The following ADAM12 variants were observed in gnomAD, a reference collection of about 807,000 sequenced individuals.
The protein encoded by ADAM12 is ADAM metallopeptidase domain 12.
Under a neutral mutation model 106.4 loss-of-function variants are expected in ADAM12, and 70 were observed. The ratio of observed to expected loss-of-function variants is 0.66; its 90% CI spans 0.54 to 0.80. The LOEUF is 0.80. Ranked by LOEUF, ADAM12 falls within the 30% of genes least tolerant of loss-of-function variation. ADAM12 has a pLI of 0.00. For missense variants in ADAM12, 1,010 were observed against 1,171.9 expected (o/e 0.86, Z 2.02); for synonymous variants, 420 against 433.5 (o/e 0.97, Z 0.39).
chr10:126,197,890 G>A lies in ADAM12; in HGVS notation c.261-42585C>T, dbSNP rs368986346. ...CAGGCCTGAAAGCCCCAGACAGCGG[G>A]TGGTACGTGGAAGGCCTAAGTCTCC... On this transcript the variant is annotated intron_variant, in intron 3 of 22. Transcript: ENST00000448723. 7.2e-5 allele frequency among the ~76,000 whole-genome samples: 11 copies of A among 152,298 alleles called. No individual in the cohort carries two copies. In the East Asian group the frequency reaches 1.9e-3, roughly 27 times the overall value.
At chr10:126,364,401 G>A (rs889329497) in intron 1 of ADAM12, among the ~76,000 whole-genome samples, 1 of 152,084 alleles carries the variant, frequency 6.6e-6, no homozygotes, top group African/African-American at 2.4e-5. Context: ...GATATGATTA[G>A]TTACCTAGGA....
At position 126,038,193 on chromosome 10, in the gene ADAM12, T is replaced by G. The variant is rs776480781; in HGVS notation, c.2349+48A>C. 7 of 1,495,358 alleles carry G rather than the reference T, an allele frequency of 4.7e-6. No individual in the cohort carries two copies. In the South Asian group the frequency reaches 8.4e-5, roughly 18 times the overall value. The allele number at this position is 1,495,358 out of a possible 1,614,324, so 92.6% of individuals were successfully genotyped here. ...CTTATTCAGTCTCGTATTGAAAACC[T>G]CATGTCTGCATGTGTGCCCTGAGCA... On this transcript the variant is annotated intron_variant, in intron 20 of 22. Coordinates refer to ENST00000448723, the MANE Select transcript of ADAM12 (RefSeq NM_001288973.2).
At chr10:126,350,734 G>A (rs1855321437) in intron 1 of ADAM12, among the ~76,000 whole-genome samples, 1 of 152,232 alleles carries the variant, frequency 6.6e-6, no homozygotes, top group African/African-American at 2.4e-5. Context: ...GCTGCAGGAA[G>A]TTTGATTCAT....
intron 3 of ADAM12, among the ~76,000 whole-genome samples, chr10:126,174,487 G>A (rs1263254272): frequency 6.6e-6 from 1 of 152,052 alleles, no homozygotes; most frequent in African/African-American, 2.4e-5. Flanking sequence ...TTGCATTAGG[G>A]TGTCGTGTCC....
chr10:126,370,456 C>T (rs1856069699), intron 1 of ADAM12, among the ~76,000 whole-genome samples: 1 of 152,172 alleles, frequency 6.6e-6, no homozygotes, highest in African/African-American at 2.4e-5. Context: ...TAAGTTTCTC[C>T]TTCAGGAAGA....
chr10:126,265,977 A>G (rs1417439237), intron 3 of ADAM12, among the ~76,000 whole-genome samples: 1 of 152,220 alleles, frequency 6.6e-6, no homozygotes, highest in Non-Finnish European at 1.5e-5. Context: ...TAGGTGTGAT[A>G]AAAATAATTC....
intron 2 of ADAM12, among the ~76,000 whole-genome samples, chr10:126,321,190 TA>T (rs1400303894): frequency 1.3e-5 from 2 of 152,208 alleles, no homozygotes; most frequent in Non-Finnish European, 2.9e-5. Flanking sequence ...CAGTCAAACA[TA>T]AAAAGCATTA....
chr10:126,017,918 G>T (rs566855047), intron 22 of ADAM12, among the ~76,000 whole-genome samples: 2 of 152,252 alleles, frequency 1.3e-5, no homozygotes, highest in African/African-American at 4.8e-5. Context: ...AAGAAAAAGG[G>T]CTTCCCCTCA....
intron 11 of ADAM12, 36 bp from the exon 12 acceptor site, chr10:126,071,690 G>A (rs1018030944): frequency 1.2e-6 from 2 of 1,605,888 alleles, no homozygotes; most frequent in African/African-American, 1.3e-5. Flanking sequence ...AAGTCACAGG[G>A]CATGGAATGG....
intron 3 of ADAM12, among the ~76,000 whole-genome samples, chr10:126,202,774 C>T (rs1957726211): frequency 6.6e-6 from 1 of 152,242 alleles, no homozygotes; most frequent in South Asian, 2.1e-4. Flanking sequence ...CTACAGAACT[C>T]AAGTGGCTTC....
intron 1 of ADAM12, among the ~76,000 whole-genome samples, chr10:126,368,658 T>TG (rs1856000940): frequency 7.4e-6 from 1 of 135,500 alleles, no homozygotes; most frequent in African/African-American, 2.8e-5. Context: ...TTGTTGTTGT[T>TG]GTTTTTTTTT....
intron 4 of ADAM12, among the ~76,000 whole-genome samples, chr10:126,146,469 C>G (rs1565094304): frequency 6.6e-6 from 1 of 152,134 alleles, no homozygotes. Context: ...AGCAGATAAG[C>G]TACAAGTCTG....
chr10:126,067,624 C>G (rs999944331), intron 12 of ADAM12, among the ~76,000 whole-genome samples: 14 of 152,218 alleles, frequency 9.2e-5, no homozygotes, highest in Admixed American at 7.9e-4. Flanking sequence ...AAGGCCTGCA[C>G]GCATTTATCA....
At chr10:126,104,525 C>T (rs1565060003) in intron 8 of ADAM12, among the ~76,000 whole-genome samples, 1 of 151,658 alleles carries the variant, frequency 6.6e-6, no homozygotes, top group Admixed American at 6.6e-5. Context: ...GAAGCAGGTC[C>T]CTGAATTTGC....
At chr10:126,245,194 G>A (rs1227824531) in intron 3 of ADAM12, among the ~76,000 whole-genome samples, 1 of 152,206 alleles carries the variant, frequency 6.6e-6, no homozygotes, top group Non-Finnish European at 1.5e-5. Context: ...TTTGGAAAGG[G>A]CACTTGTCTC....
chr10:126,285,563 T>C (rs892460286), intron 2 of ADAM12, among the ~76,000 whole-genome samples: 24 of 152,354 alleles, frequency 1.6e-4, no homozygotes, highest in African/African-American at 5.5e-4. Context: ...CTCAGTTCCA[T>C]CTAGGAGTCA....
At position 126,121,130 on chromosome 10, in the gene ADAM12, A is replaced by AGT. The variant is rs369707256; in HGVS notation, c.417-2907_417-2906insAC. Among the ~76,000 whole-genome samples, 269 of 75,600 alleles carry AGT rather than the reference A, an allele frequency of 3.6e-3. 25 individuals carry two copies. The East Asian group carries it at 0.054, about 15-fold the overall frequency. 49.6% of individuals were successfully genotyped at this position (75,600 alleles called of 152,430 possible). A position where few individuals can be genotyped will look rare whatever the true frequency, so the allele number is the denominator to read the frequency against. ...TATATAGTATATATATAGTATATAT[A>AGT]CTATATACTATATATACTATATATA... On this transcript the variant is annotated intron_variant, in intron 5 of 22. Transcript: ENST00000448723.
At chr10:126,127,845 G>A (rs1224901698) in intron 5 of ADAM12, among the ~76,000 whole-genome samples, 1 of 152,110 alleles carries the variant, frequency 6.6e-6, no homozygotes, top group Non-Finnish European at 1.5e-5. Flanking sequence ...TGAGGGAAGA[G>A]TGGATCTTCC....
chr10:126,036,376 GT>G, intron 20 of ADAM12, 51 bp from the exon 21 acceptor site: 1 of 1,539,524 alleles, frequency 6.5e-7, no homozygotes, highest in Non-Finnish European at 8.7e-7. Flanking sequence ...AAAAATATCA[GT>G]AACTCCTTAA....
Sources: gnomAD v4.1 joint callset for allele counts (sites outside exome capture counted in the v4.1 genomes callset) on GRCh38, gnomAD v4.1.1 for gene constraint, MANE v1.5 for transcripts, NCBI Gene and HGNC (gene_info 2026-07-23, HGNC 2026-07-21) for gene names.